ICAM2: variants seen among roughly 807,000 people sequenced by gnomAD.
ICAM2 encodes intercellular adhesion molecule 2.
Under a neutral mutation model 19.1 loss-of-function variants are expected in ICAM2, and 14 were observed. The observed-to-expected ratio is 0.73, with a 90% CI of 0.48 to 1.15. ICAM2 has a LOEUF of 1.15. Ranked by LOEUF, ICAM2 falls within the 50% of genes most tolerant of loss-of-function variation. The probability of loss-of-function intolerance (pLI) is 0.00; values close to 1 mark genes in which losing one functional copy is unlikely to be tolerated. For missense variants in ICAM2, 311 were observed against 355.4 expected, an observed-to-expected ratio of 0.88 and a Z score of 1.00; for synonymous variants, 153 against 152.7, an observed-to-expected ratio of 1.00 and a Z score of -0.01.
In ICAM2 at chr17:64,003,736, C is replaced by A; in HGVS notation, c.557G>T (p.Arg186Leu). Reference sequence around the variant, plus strand: ...CAGCACAGCCAGGCAGGAGAAGTTGCGGTGGCCATCCTCTCTGTCAGCCGT... The same window carrying A: ...CAGCACAGCCAGGCAGGAGAAGTTGAGGTGGCCATCCTCTCTGTCAGCCGT... ...NSTADREDGH[R>L]NFSCLAVLDL... Residue 186 changes from arginine (R) to leucine (L), a missense_variant, in exon 4 of 5, where the codon CGC becomes CTC. Coordinates refer to ENST00000579788, the MANE Select transcript of ICAM2 (RefSeq NM_001099789.2). 6.2e-7 allele frequency: 1 copy of A among 1,614,116 alleles called. No homozygotes were observed. The highest frequency in any genetic ancestry group is 1.1e-5 in the South Asian group (1 of 91,084).
intron 3 of ICAM2, 99 bp from the exon 4 acceptor site, chr17:64,004,063 G>C: frequency 1.1e-6 from 1 of 944,728 alleles, no homozygotes; most frequent in South Asian, 1.7e-5. Flanking sequence ...GGTGTTCCAC[G>C]GTTGGGGAGG....
At position 64,011,353 on chromosome 17, in the gene ICAM2, T is replaced by A. The variant is rs142187417; in HGVS notation, c.-44-4618A>T. On this transcript the variant is annotated intron_variant, in intron 1 of 4. Transcript: ENST00000579788. ...GGCACACGCCTGTAGTCTCAGCTCC[T>A]CGGGAGGCTGAGGCAGGAGAATTGC... Among the ~76,000 whole-genome samples the A allele has an allele frequency of 4.0e-3, 605 of 152,226 alleles. 5 individuals carry two copies. The highest frequency in any genetic ancestry group is 0.014 in the African/African-American group (576 of 41,524).
chr17:64,018,289 G>A (rs1026893083), intron 1 of ICAM2, among the ~76,000 whole-genome samples: 2 of 131,592 alleles, frequency 1.5e-5, no homozygotes, highest in African/African-American at 2.8e-5. Context: ...AGCTGAGATC[G>A]CGACACTGCA....
intron 1 of ICAM2, among the ~76,000 whole-genome samples, chr17:64,012,677 G>C (rs1161493413): frequency 6.6e-6 from 1 of 152,196 alleles, no homozygotes; most frequent in East Asian, 1.9e-4. Context: ...ACCAAGTACT[G>C]TTGAATCCAC....
At chr17:64,003,026 C>T (rs566171862) in intron 4 of ICAM2, 101 bp from the exon 5 acceptor site, 419 of 1,018,468 alleles carry the variant, frequency 4.1e-4, no homozygotes, top group Non-Finnish European at 5.4e-4. Flanking sequence ...CCCCAGACCC[C>T]GCCGCCCGCT....
intron 4 of ICAM2, 147 bp downstream of exon 4, chr17:64,003,497 A>G (rs951606629): frequency 5.4e-6 from 4 of 739,418 alleles, no homozygotes; most frequent in Non-Finnish European, 6.8e-6. Context: ...AAAGAACTTC[A>G]GGGAAGAGGG....
intron 1 of ICAM2, among the ~76,000 whole-genome samples, chr17:64,010,417 T>G (rs755193893): frequency 8.5e-5 from 13 of 152,152 alleles, no homozygotes; most frequent in Non-Finnish European, 1.6e-4. Context: ...CGTGAGAGAA[T>G]TTTTGAGGGG....
chr17:64,013,414 T>C (rs747625243), intron 1 of ICAM2, among the ~76,000 whole-genome samples: 8 of 152,130 alleles, frequency 5.3e-5, no homozygotes, highest in Non-Finnish European at 1.0e-4. Context: ...GGTGGGAGGA[T>C]TGTTTGAACC....
At chr17:64,004,876 TC>T in intron 3 of ICAM2, 1 of 597,478 alleles carries the variant, frequency 1.7e-6, no homozygotes, top group Non-Finnish European at 3.0e-6. Flanking sequence ...TAGATTGTCC[TC>T]CCCTAAGCAA....
chr17:64,006,907 C>G, intron 1 of ICAM2, 172 bp from the exon 2 acceptor site: 1 of 592,832 alleles, frequency 1.7e-6, no homozygotes, highest in African/African-American at 1.9e-5. Context: ...AGCTGGGAAG[C>G]TGCTGATAAG....
chr17:64,014,309 A>G (rs1318193272), intron 1 of ICAM2, among the ~76,000 whole-genome samples: 2 of 48,752 alleles, frequency 4.1e-5, no homozygotes, highest in African/African-American at 9.6e-5. Flanking sequence ...TCACATCTGA[A>G]AGAAGGAAGG....
chr17:64,014,310 A>AGAAGGAAGGAAGGAAG (rs1244436832), intron 1 of ICAM2, among the ~76,000 whole-genome samples: 8 of 24,228 alleles, frequency 3.3e-4, no homozygotes, highest in African/African-American at 4.6e-4. Flanking sequence ...CACATCTGAA[A>AGAAGGAAGGAAGGAAG]GAAGGAAGGA....
At chr17:64,018,744 C>T (rs1361227758) in intron 1 of ICAM2, among the ~76,000 whole-genome samples, 8 of 84,150 alleles carry the variant, frequency 9.5e-5, no homozygotes, top group African/African-American at 1.9e-4. Flanking sequence ...TTTTTTGAGA[C>T]GGGGTCTCGT....
chr17:64,004,816 G>A, intron 3 of ICAM2: 1 of 507,922 alleles, frequency 2.0e-6, no homozygotes, highest in Non-Finnish European at 3.6e-6. Context: ...GGGTGCTCTG[G>A]TGACTCAGCT....
Position 64,002,945 on chromosome 17 carries a change from G to C in ICAM2, c.650-20C>G, listed in dbSNP as rs1314768494. ...CAGGCTCTGGGGAGGGAGGGGGCAA[G>C]GGTCTTAGACGTCCTGTGATCCCAG... On this transcript the variant is annotated intron_variant, in intron 4 of 4. Coordinates refer to ENST00000579788, the MANE Select transcript of ICAM2 (RefSeq NM_001099789.2). The C allele has an allele frequency of 6.2e-7, 1 of 1,610,324 alleles. No individual in the cohort carries two copies. Among genetic ancestry groups the C allele is most frequent in the Admixed American group, 1.7e-5 (1 of 59,820 alleles).
At chr17:64,020,073 C>G (rs964704803) in intron 1 of ICAM2, among the ~76,000 whole-genome samples, 1 of 152,028 alleles carries the variant, frequency 6.6e-6, no homozygotes, top group African/African-American at 2.4e-5. Flanking sequence ...AAGACCCCCT[C>G]GAACCGAGGC....
At chr17:64,017,510 A>T (rs1598028144) in intron 1 of ICAM2, among the ~76,000 whole-genome samples, 1 of 152,340 alleles carries the variant, frequency 6.6e-6, no homozygotes, top group East Asian at 1.9e-4. Context: ...TATTATAAAG[A>T]TGTAAATTAT....
At chr17:64,016,363 A>G (rs1387635418) in intron 1 of ICAM2, among the ~76,000 whole-genome samples, 5 of 152,324 alleles carry the variant, frequency 3.3e-5, no homozygotes, top group Middle Eastern at 3.4e-3. Flanking sequence ...CTGTCCCTAC[A>G]GTGGATGATT....
chr17:64,016,269 T>C (rs1157292873), intron 1 of ICAM2, among the ~76,000 whole-genome samples: 4 of 152,192 alleles, frequency 2.6e-5, no homozygotes. Context: ...AACGAAGAAA[T>C]GTCTATAAAC....
Sources: allele counts gnomAD v4.1 joint callset (sites outside exome capture counted in the v4.1 genomes callset), GRCh38; gene constraint gnomAD v4.1.1; transcripts MANE v1.5; gene names NCBI Gene and HGNC (gene_info 2026-07-23, HGNC 2026-07-21).